LMX1B: variants seen among roughly 807,000 people sequenced by gnomAD.
LMX1B encodes LIM homeobox transcription factor 1-beta.
LMX1B carries 12 observed loss-of-function variants against 51.4 expected under a neutral mutation model. That is an observed-to-expected ratio of 0.23 (90% CI 0.15 to 0.38). LMX1B has a LOEUF of 0.38. Among genes scored for constraint, LMX1B ranks in the 10% least tolerant of loss-of-function variants. The pLI is 1.00. For missense variants in LMX1B, 445 were observed against 571.1 expected, an observed-to-expected ratio of 0.78 and a Z score of 2.25; for synonymous variants, 237 against 235.4, an observed-to-expected ratio of 1.01 and a Z score of -0.06.
chr9:126,628,925 A>G (rs1371411777), intron 2 of LMX1B, among the ~76,000 whole-genome samples: 1 of 150,096 alleles, frequency 6.7e-6, no homozygotes, highest in Non-Finnish European at 1.5e-5. Flanking sequence ...AGCTTTGAAT[A>G]TTTTTCTCCA....
At position 126,626,774 on chromosome 9, in the gene LMX1B, C is replaced by G. The variant is rs969887499; in HGVS notation, c.326+11205C>G. Among the ~76,000 whole-genome samples, 1 of 152,194 alleles carries G rather than the reference C, an allele frequency of 6.6e-6. No homozygotes were observed. The highest frequency in any genetic ancestry group is 2.4e-5 in the African/African-American group (1 of 41,442). ...TCTGCGGATTAGGTTTCAGCGCCTC[C>G]GCCCCACCCCCAGCCCCGCGGCGGT... is the stretch of plus-strand genomic sequence containing the variant. On this transcript the variant is annotated intron_variant, in intron 2 of 7. Transcript: ENST00000373474. The surrounding 1 kb of genome is among the most constrained non-coding windows in gnomAD (Gnocchi z 4.3).
At chr9:126,629,167 G>C (rs1412585751) in intron 2 of LMX1B, among the ~76,000 whole-genome samples, 1 of 152,116 alleles carries the variant, frequency 6.6e-6, no homozygotes, top group East Asian at 1.9e-4. Context: ...ACAGACCAGA[G>C]AGGAAGCCCA....
chr9:126,635,680 T>G (rs557243879), intron 2 of LMX1B, among the ~76,000 whole-genome samples: 11 of 152,188 alleles, frequency 7.2e-5, no homozygotes, highest in Non-Finnish European at 1.3e-4. Context: ...TAGATGATGA[T>G]TAGCCAAGTC....
At chr9:126,646,625 C>T (rs1370793245) in intron 2 of LMX1B, among the ~76,000 whole-genome samples, 1 of 152,228 alleles carries the variant, frequency 6.6e-6, no homozygotes, top group African/African-American at 2.4e-5. Context: ...CCAGGTTGCG[C>T]CCCTGTAAGA....
At chr9:126,623,816 TAA>T in intron 2 of LMX1B, among the ~76,000 whole-genome samples, 1 of 152,338 alleles carries the variant, frequency 6.6e-6, no homozygotes. Context: ...AAGGTTAGAA[TAA>T]TTGCCTTCCC....
intron 2 of LMX1B, among the ~76,000 whole-genome samples, chr9:126,628,071 G>A (rs1252324888): frequency 9.2e-5 from 14 of 152,178 alleles, no homozygotes; most frequent in Admixed American, 6.6e-4. Flanking sequence ...TTGGGAATGC[G>A]GTCTACTAAA....
chr9:126,661,921 G>C (rs1463929245), intron 2 of LMX1B, among the ~76,000 whole-genome samples: 3 of 152,192 alleles, frequency 2.0e-5, no homozygotes, highest in Admixed American at 2.0e-4. Flanking sequence ...AACAGCTGGT[G>C]CTTCCAGGGA....
intron 2 of LMX1B, among the ~76,000 whole-genome samples, chr9:126,632,623 TGC>T (rs1481669720): frequency 6.6e-6 from 1 of 152,136 alleles, no homozygotes; most frequent in Non-Finnish European, 1.5e-5. Flanking sequence ...AGGAGGCTAT[TGC>T]CACCTTGGAG....
chr9:126,656,395 A>C (rs1260272612), intron 2 of LMX1B, among the ~76,000 whole-genome samples: 1 of 106,636 alleles, frequency 9.4e-6, no homozygotes, highest in Non-Finnish European at 2.4e-5. Flanking sequence ...AGATAGATAG[A>C]TAGATAGATA....
intron 2 of LMX1B, among the ~76,000 whole-genome samples, chr9:126,635,508 C>T (rs1835698841): frequency 6.6e-6 from 1 of 152,376 alleles, no homozygotes; most frequent in African/African-American, 2.4e-5. Context: ...CAGTCACACA[C>T]ATGACCTTTG....
At chr9:126,665,793 C>G (rs1292403040) in intron 2 of LMX1B, among the ~76,000 whole-genome samples, 1 of 152,214 alleles carries the variant, frequency 6.6e-6, no homozygotes, top group Non-Finnish European at 1.5e-5. Flanking sequence ...TGGGGCCAGC[C>G]CATGCCAGCC....
At chr9:126,639,431 G>A (rs928021113) in intron 2 of LMX1B, among the ~76,000 whole-genome samples, 1 of 152,186 alleles carries the variant, frequency 6.6e-6, no homozygotes, top group Non-Finnish European at 1.5e-5. Flanking sequence ...CCCTCTACCC[G>A]CCTGGAGGGT....
chr9:126,638,736 G>C (rs1391267744), intron 2 of LMX1B, among the ~76,000 whole-genome samples: 1 of 152,202 alleles, frequency 6.6e-6, no homozygotes, highest in East Asian at 1.9e-4. Flanking sequence ...AGCGCGCTCC[G>C]ATCTCTCCCG....
intron 2 of LMX1B, among the ~76,000 whole-genome samples, chr9:126,680,555 T>C (rs1210499628): frequency 6.6e-6 from 1 of 152,152 alleles, no homozygotes; most frequent in Admixed American, 6.5e-5. Context: ...AACCAGGAGC[T>C]GCTGACCTCA....
At chr9:126,634,667 G>T (rs1484398624) in intron 2 of LMX1B, among the ~76,000 whole-genome samples, 1 of 152,156 alleles carries the variant, frequency 6.6e-6, no homozygotes, top group Admixed American at 6.5e-5. Flanking sequence ...TGAGCCTGAA[G>T]TTAGTCATCT....
intron 2 of LMX1B, among the ~76,000 whole-genome samples, chr9:126,679,486 T>C (rs1836632976): frequency 6.7e-6 from 1 of 150,114 alleles, no homozygotes; most frequent in Non-Finnish European, 1.5e-5. Flanking sequence ...TATGGGTGGA[T>C]AGATGGTTGA....
chr9:126,614,390 G>C lies in LMX1B; in HGVS notation c.-60G>C. 7.8e-7 allele frequency: 1 copy of C among 1,287,160 alleles called. No homozygotes were observed. The highest frequency in any genetic ancestry group is 9.9e-7 in the Non-Finnish European group (1 of 1,011,474). The allele number at this position is 1,287,160 out of a possible 1,614,324, so 79.7% of individuals were successfully genotyped here. A position where few individuals can be genotyped will look rare whatever the true frequency, so the allele number is the denominator to read the frequency against. On this transcript the variant is annotated 5_prime_UTR_variant, in exon 1 of 8. Coordinates refer to ENST00000373474, the MANE Select transcript of LMX1B (RefSeq NM_001174147.2). ...CCAGGGCCGCGGCGGCGGAGAGCGG[G>C]TGGACGGGCCGGCGGGCGAGCAGCC... is the stretch of plus-strand genomic sequence containing the variant.
intron 2 of LMX1B, among the ~76,000 whole-genome samples, chr9:126,623,288 C>T (rs1028053037): frequency 6.6e-6 from 1 of 152,206 alleles, no homozygotes; most frequent in African/African-American, 2.4e-5. Flanking sequence ...GCCCTCATTA[C>T]TACTGAGACA....
intron 2 of LMX1B, among the ~76,000 whole-genome samples, chr9:126,662,978 C>T (rs1271755345): frequency 1.3e-5 from 2 of 152,172 alleles, no homozygotes; most frequent in South Asian, 2.1e-4. Flanking sequence ...AGGAGGGTGG[C>T]GTTGGCAGTG....
Sources: allele counts gnomAD v4.1 joint callset (sites outside exome capture counted in the v4.1 genomes callset), GRCh38; gene constraint gnomAD v4.1.1; non-coding constraint Gnocchi (gnomAD v3.1); transcripts MANE v1.5; gene names NCBI Gene and HGNC (gene_info 2026-07-23, HGNC 2026-07-21).